YPEL2: variants seen among roughly 807,000 people sequenced by gnomAD.
The protein encoded by YPEL2 is yippee like 2.
A neutral mutation model predicts 19.1 loss-of-function variants in YPEL2; 2 were observed. The ratio of observed to expected loss-of-function variants is 0.10; its 90% CI spans 0.04 to 0.33. YPEL2 has a LOEUF of 0.33. Ranked by LOEUF, YPEL2 falls within the 10% of genes least tolerant of loss-of-function variation. YPEL2 has a pLI of 1.00. For synonymous variants in YPEL2, 52 were observed against 50.0 expected (o/e 1.04, Z -0.17); for missense variants, 66 against 140.7 (o/e 0.47, Z 2.68).
chr17:59,368,054 C>G (rs755232187), intron 2 of YPEL2, among the ~76,000 whole-genome samples: 2 of 152,092 alleles, frequency 1.3e-5, no homozygotes, highest in Non-Finnish European at 2.9e-5. Context: ...ACTGGGGATA[C>G]AGAAATGGAT....
chr17:59,337,504 A>G (rs942755924), intron 1 of YPEL2, among the ~76,000 whole-genome samples: 19 of 152,128 alleles, frequency 1.2e-4, no homozygotes, highest in African/African-American at 4.3e-4. Flanking sequence ...AAATTCTTTT[A>G]GAACCTAATG....
intron 2 of YPEL2, among the ~76,000 whole-genome samples, chr17:59,377,510 A>T (rs1218237078): frequency 6.6e-6 from 1 of 152,150 alleles, no homozygotes; most frequent in African/African-American, 2.4e-5. Context: ...ATATCTGATC[A>T]TGGGCATCCC....
At chr17:59,376,949 C>CAAAAAAAAAA (rs59030676) in intron 2 of YPEL2, among the ~76,000 whole-genome samples, 1 of 48,540 alleles carries the variant, frequency 2.1e-5, no homozygotes, top group Non-Finnish European at 4.5e-5. Flanking sequence ...CACACTGTCT[C>CAAAAAAAAAA]AAAAAAAAAA....
In YPEL2 at chr17:59,389,244, A is replaced by C; in HGVS notation, c.162-116A>C. On this transcript the variant is annotated intron_variant, in intron 3 of 4. Transcript: ENST00000312655. ...GGATTGGTTTAGATCTGCTCAGCTC[A>C]GGGTTGGCTCCCCTTGGGACAGCCT... 3.6e-6 allele frequency: 3 copies of C among 837,716 alleles called. No homozygotes were observed. In the Admixed American group the frequency reaches 6.3e-5, roughly 18 times the overall value. The allele number at this position is 837,716 out of a possible 1,614,324, so 51.9% of individuals were successfully genotyped here. A position where few individuals can be genotyped will look rare whatever the true frequency, so the allele number is the denominator to read the frequency against.
Position 59,401,496 on chromosome 17 carries a change from T to C in YPEL2, c.*4306T>C, listed in dbSNP as rs1055592008. On this transcript the variant is annotated 3_prime_UTR_variant, in exon 5 of 5. Transcript: ENST00000312655. ...ATCTTCCAATACAGAATCTGTCTAT[T>C]TATGCTTGTGTTTACAAACTGTATT... The C allele has an allele frequency of 2.0e-5, 3 of 152,630 alleles. No individual in the cohort carries two copies. Among genetic ancestry groups the C allele is most frequent in the African/African-American group, 7.2e-5 (3 of 41,446 alleles). 9.5% of individuals were successfully genotyped at this position (152,630 alleles called of 1,614,324 possible).
At chr17:59,379,370 G>T (rs1403705828) in intron 2 of YPEL2, among the ~76,000 whole-genome samples, 2 of 152,152 alleles carry the variant, frequency 1.3e-5, no homozygotes, top group Admixed American at 6.5e-5. Flanking sequence ...TTGGAGAAAA[G>T]AATGGAAAAA....
chr17:59,335,089 G>A (rs963103958), intron 1 of YPEL2, among the ~76,000 whole-genome samples: 2 of 152,196 alleles, frequency 1.3e-5, no homozygotes, highest in Non-Finnish European at 2.9e-5. Flanking sequence ...AAAGGAAGAA[G>A]CATCATTTTC....
chr17:59,356,151 C>T (rs937232109), intron 2 of YPEL2: 1 of 152,128 alleles, frequency 6.6e-6, no homozygotes, highest in Non-Finnish European at 1.5e-5. Flanking sequence ...GTTCTCCTCT[C>T]TTGACTTAAT....
At chr17:59,388,814 C>T (rs1057069580) in intron 3 of YPEL2, 4 of 195,150 alleles carry the variant, frequency 2.0e-5, no homozygotes, top group South Asian at 1.2e-4. Context: ...AGGTTTATCA[C>T]CTCTTCCCTG....
intron 2 of YPEL2, chr17:59,363,261 T>A (rs1028331518): frequency 6.6e-6 from 1 of 152,230 alleles, no homozygotes; most frequent in African/African-American, 2.4e-5. Flanking sequence ...AGTGTTGGGA[T>A]TACAGGTGAG....
At chr17:59,376,525 T>G (rs979847908) in intron 2 of YPEL2, among the ~76,000 whole-genome samples, 1 of 152,214 alleles carries the variant, frequency 6.6e-6, no homozygotes, top group Non-Finnish European at 1.5e-5. Context: ...GCCAGATAGT[T>G]TGACCTTAGG....
intron 1 of YPEL2, among the ~76,000 whole-genome samples, chr17:59,334,327 T>G (rs996144450): frequency 6.7e-6 from 1 of 149,262 alleles, no homozygotes; most frequent in Non-Finnish European, 1.5e-5. Flanking sequence ...TGATTTTGTT[T>G]AGTATCCGTG....
intron 2 of YPEL2, among the ~76,000 whole-genome samples, chr17:59,376,023 T>A (rs1259573489): frequency 1.3e-5 from 2 of 152,026 alleles, no homozygotes; most frequent in African/African-American, 2.4e-5. Context: ...GTCTTGGAGG[T>A]TTTATCAGTT....
chr17:59,356,868 C>T (rs1375894912), intron 2 of YPEL2, among the ~76,000 whole-genome samples: 1 of 152,198 alleles, frequency 6.6e-6, no homozygotes, highest in East Asian at 1.9e-4. Flanking sequence ...ACACTAATCC[C>T]ATTCACAAGA....
intron 1 of YPEL2, among the ~76,000 whole-genome samples, chr17:59,340,000 C>T (rs1287741198): frequency 6.6e-6 from 1 of 151,924 alleles, no homozygotes; most frequent in African/African-American, 2.4e-5. Flanking sequence ...CTTTGGGCTG[C>T]GTATGAGGGC....
intron 2 of YPEL2, among the ~76,000 whole-genome samples, chr17:59,385,784 T>G (rs1368353357): frequency 6.6e-6 from 1 of 152,328 alleles, no homozygotes; most frequent in East Asian, 1.9e-4. Flanking sequence ...ACTTCAAATA[T>G]ACACCGTTTA....
At chr17:59,389,168 C>G in intron 3 of YPEL2, 192 bp from the exon 4 acceptor site, 1 of 570,512 alleles carries the variant, frequency 1.8e-6, no homozygotes, top group Non-Finnish European at 3.1e-6. Context: ...CTAGAACTTG[C>G]AGATCTGAAT....
intron 2 of YPEL2, among the ~76,000 whole-genome samples, chr17:59,358,920 CT>C (rs1369335969): frequency 5.0e-5 from 6 of 120,170 alleles, no homozygotes; most frequent in Non-Finnish European, 9.9e-5. Flanking sequence ...TTTTTTTTTC[CT>C]TTTTCTTTTT....
At chr17:59,349,364 T>TC (rs1326971803) in intron 1 of YPEL2, among the ~76,000 whole-genome samples, 1 of 144,652 alleles carries the variant, frequency 6.9e-6, no homozygotes, top group Non-Finnish European at 1.5e-5. Flanking sequence ...TTTTCTTTTT[T>TC]TTTTTTTTTT....
Sources: gnomAD v4.1 joint callset for allele counts (sites outside exome capture counted in the v4.1 genomes callset) on GRCh38, gnomAD v4.1.1 for gene constraint, MANE v1.5 for transcripts, NCBI Gene and HGNC (gene_info 2026-07-23, HGNC 2026-07-21) for gene names.